Variants in IFT140 observed in about 807,000 individuals in gnomAD.
IFT140 encodes intraflagellar transport protein 140 homolog.
Under a neutral mutation model 164.6 loss-of-function variants are expected in IFT140, and 133 were observed. That is an observed-to-expected ratio of 0.81 (90% CI 0.70 to 0.93). The LOEUF is 0.93. IFT140 is among the 40% of genes least tolerant of loss of function. IFT140 has a pLI of 0.00. For missense variants in IFT140, 2,045 were observed against 1,972.3 expected (o/e 1.04, Z -0.70); for synonymous variants, 860 against 817.3 (o/e 1.05, Z -0.89).
At chr16:1,592,128 A>G (rs2035212293) in intron 6 of IFT140, 48 bp downstream of exon 6, 1 of 1,601,256 alleles carries the variant, frequency 6.2e-7, no homozygotes, top group Middle Eastern at 1.7e-4. Flanking sequence ...CCTACCAGAC[A>G]CCCCTAAAAT....
intron 19 of IFT140, chr16:1,555,279 G>A (rs905287296): frequency 1.0e-5 from 5 of 496,290 alleles, no homozygotes; most frequent in South Asian, 4.9e-5. Context: ...ACGACCACAC[G>A]CACTTCAGGG....
At chr16:1,542,168 G>C in intron 19 of IFT140, 2 of 1,386,746 alleles carry the variant, frequency 1.4e-6, no homozygotes, top group South Asian at 3.0e-5. Flanking sequence ...GTGGCCTGGG[G>C]GGAAGCTGCA....
At chr16:1,541,606 G>T in intron 19 of IFT140, 1 of 582,808 alleles carries the variant, frequency 1.7e-6, no homozygotes, top group Non-Finnish European at 2.2e-6. Flanking sequence ...CAAGGGTCAA[G>T]TCAGGCAGAG....
intron 30 of IFT140, among the ~76,000 whole-genome samples, chr16:1,514,115 T>C (rs1385692174): frequency 6.7e-6 from 1 of 148,950 alleles, no homozygotes; most frequent in East Asian, 2.1e-4. Context: ...ACGCCTGTAA[T>C]CCCAGCACTT....
Position 1,586,104 on chromosome 16 carries a change from G to A in IFT140, c.1155+26C>T, listed in dbSNP as rs944678311. The stretch of plus-strand genomic sequence containing the variant: ...CACTTTCATGCAGCAGAAAATGAGT[G>A]CACCGAACACCCTTGGAGGCTGTAC... On this transcript the variant is annotated intron_variant, in intron 10 of 30. Coordinates refer to ENST00000426508, the MANE Select transcript of IFT140 (RefSeq NM_014714.4). The A allele has an allele frequency of 3.1e-6, 5 of 1,607,702 alleles. No individual in the cohort carries two copies. In the Admixed American group the frequency reaches 8.3e-5, roughly 27 times the overall value.
chr16:1,552,889 G>C (rs754239642), intron 19 of IFT140: 4 of 827,364 alleles, frequency 4.8e-6, no homozygotes, highest in Non-Finnish European at 4.4e-6. Context: ...TCGTGACCTC[G>C]TGATCCACCC....
chr16:1,572,219 T>A (rs1369144220), intron 13 of IFT140, among the ~76,000 whole-genome samples: 1 of 152,134 alleles, frequency 6.6e-6, no homozygotes, highest in Non-Finnish European at 1.5e-5. Context: ...AGAGTGAGAT[T>A]TCCTTCTAAG....
chr16:1,530,133 C>CTTTTTTTTTTTTTTTT lies in IFT140; in HGVS notation c.2400-3353_2400-3338dup, dbSNP rs922819138. 2.0e-3 allele frequency among the ~76,000 whole-genome samples: 178 copies of CTTTTTTTTTTTTTTTT among 88,584 alleles called. 24 individuals carry two copies. Among genetic ancestry groups the CTTTTTTTTTTTTTTTT allele is most frequent in the African/African-American group, 7.3e-3 (135 of 18,454 alleles). The allele number at this position is 88,584 out of a possible 152,430, so 58.1% of individuals were successfully genotyped here. On this transcript the variant is annotated intron_variant, in intron 19 of 30. Transcript: ENST00000426508. Reference sequence around the variant, plus strand: ...TCCCAAAAGACTTCACGACGGGAATCTTTTTTTTTTTTTTTTTTTTTTTTG... The same window carrying CTTTTTTTTTTTTTTTT: ...TCCCAAAAGACTTCACGACGGGAATCTTTTTTTTTTTTTTTTTTTTTTTTTTTTTTTTTTTTTTTTG...
chr16:1,528,494 CAT>C (rs755340699), intron 19 of IFT140, among the ~76,000 whole-genome samples: 1 of 149,982 alleles, frequency 6.7e-6, no homozygotes, highest in Non-Finnish European at 1.5e-5. Flanking sequence ...CATGCACTCA[CAT>C]ACACACACAT....
At chr16:1,591,031 T>A (rs1446815166) in intron 6 of IFT140, among the ~76,000 whole-genome samples, 1 of 152,162 alleles carries the variant, frequency 6.6e-6, no homozygotes, top group Non-Finnish European at 1.5e-5. Context: ...GTTCTAAGCA[T>A]CTTTACGATA....
intron 2 of IFT140, 60 bp from the exon 3 acceptor site, chr16:1,607,357 T>A: frequency 7.2e-7 from 1 of 1,379,344 alleles, no homozygotes; most frequent in South Asian, 1.4e-5. Context: ...ACAATATGAC[T>A]GTACATGGAA....
At chr16:1,530,042 C>T (rs186994542) in intron 19 of IFT140, among the ~76,000 whole-genome samples, 7 of 150,826 alleles carry the variant, frequency 4.6e-5, no homozygotes, top group African/African-American at 9.7e-5. Flanking sequence ...GGCCTCAGTG[C>T]GTGAGGCGTG....
At chr16:1,598,826 C>A (rs987054553) in intron 4 of IFT140, among the ~76,000 whole-genome samples, 5 of 152,070 alleles carry the variant, frequency 3.3e-5, no homozygotes, top group African/African-American at 9.7e-5. Flanking sequence ...AGCCTCTGCC[C>A]GGCCGCCACC....
rs1318448320 is a variant in IFT140 at position 1,512,123 on chromosome 16, TGGG to T, written c.4183-976_4183-974del. Among the ~76,000 whole-genome samples the T allele has an allele frequency of 1.2e-3, 131 of 105,382 alleles. 6 individuals are homozygous for T. In the Admixed American group the frequency reaches 0.014, roughly 11 times the overall value. 69.1% of individuals were successfully genotyped at this position (105,382 alleles called of 152,430 possible). A position where few individuals can be genotyped will look rare whatever the true frequency, so the allele number is the denominator to read the frequency against. ...GGTGCGGAGGGCGGGTGAGGGGTGGTGGGGGGCAGGACAGGCGGCATAGGTGGG... is the reference window on the plus strand; with the variant it reads ...GGTGCGGAGGGCGGGTGAGGGGTGGTGGGCAGGACAGGCGGCATAGGTGGG... On this transcript the variant is annotated intron_variant, in intron 30 of 30. Coordinates refer to ENST00000426508, the MANE Select transcript of IFT140 (RefSeq NM_014714.4).
intron 21 of IFT140, 77 bp from the exon 22 acceptor site, chr16:1,525,403 G>C (rs560517772): frequency 3.6e-6 from 4 of 1,120,176 alleles, no homozygotes; most frequent in Non-Finnish European, 5.4e-6. Flanking sequence ...GAGGGGCAGC[G>C]TCGGTGAAAC....
At chr16:1,554,367 C>A (rs1398770251) in intron 19 of IFT140, among the ~76,000 whole-genome samples, 1 of 152,216 alleles carries the variant, frequency 6.6e-6, no homozygotes, top group Admixed American at 6.5e-5. Flanking sequence ...GGATTTAACA[C>A]AAAATTACTG....
intron 19 of IFT140, among the ~76,000 whole-genome samples, chr16:1,538,059 C>G (rs749977273): frequency 3.3e-5 from 5 of 152,224 alleles, no homozygotes; most frequent in Non-Finnish European, 5.9e-5. Context: ...ACAGGCAGCA[C>G]CCCAGGAACC....
chr16:1,591,457 T>A (rs1012773129), intron 6 of IFT140, among the ~76,000 whole-genome samples: 1 of 152,234 alleles, frequency 6.6e-6, no homozygotes, highest in Non-Finnish European at 1.5e-5. Flanking sequence ...CTCTTCTTCC[T>A]GTCAAGATCC....
At position 1,525,944 on chromosome 16, in the gene IFT140, T is replaced by TA; in HGVS notation, c.2710dup (p.Tyr904LeufsTer48). The TA allele has an allele frequency of 1.3e-6, 2 of 1,577,592 alleles. No individual in the cohort carries two copies. Among genetic ancestry groups the TA allele is most frequent in the African/African-American group, 1.3e-5 (1 of 74,218 alleles). ...CTCCAGGTGCCCGGCATAGCGGTGG[T>TA]AGGTGCTGCGCAGGTGCACGCGATC... On this transcript the variant is annotated frameshift_variant, in exon 21 of 31. Coordinates refer to ENST00000426508, the MANE Select transcript of IFT140 (RefSeq NM_014714.4). LOFTEE classifies it high-confidence loss of function.
Sources: gnomAD v4.1 joint callset for allele counts (sites outside exome capture counted in the v4.1 genomes callset) on GRCh38, gnomAD v4.1.1 for gene constraint, MANE v1.5 for transcripts, NCBI Gene and HGNC (gene_info 2026-07-23, HGNC 2026-07-21) for gene names.